The following VPS4B variants were observed in gnomAD, a reference collection of about 807,000 sequenced individuals.
VPS4B encodes the protein vacuolar protein sorting-associated protein 4B.
Under a neutral mutation model 56.1 loss-of-function variants are expected in VPS4B, and 23 were observed. That is an observed-to-expected ratio of 0.41 (90% CI 0.30 to 0.58). The LOEUF (loss-of-function observed/expected upper bound fraction) is 0.58. Ranked by LOEUF, VPS4B falls within the 20% of genes least tolerant of loss-of-function variation. The probability of loss-of-function intolerance (pLI) is 0.29; values close to 1 mark genes in which losing one functional copy is unlikely to be tolerated. For missense variants in VPS4B, 372 were observed against 531.9 expected (o/e 0.70, Z 2.96); for synonymous variants, 177 against 186.0 (o/e 0.95, Z 0.39).
At position 63,407,504 on chromosome 18, in the gene VPS4B, T is replaced by C; in HGVS notation, c.297-5A>G. The C allele has an allele frequency of 1.3e-6, 2 of 1,599,030 alleles. No individual in the cohort carries two copies. Among genetic ancestry groups the C allele is most frequent in the South Asian group, 1.1e-5 (1 of 88,230 alleles). On this transcript the variant is annotated splice_region_variant and splice_polypyrimidine_tract_variant and intron_variant, in intron 3 of 10. Transcript: ENST00000238497. ...CCTTCCCCATCACTGTCATTCCTAA[T>C]AAAAAGAATTTAATATATTCAAATG...
intron 9 of VPS4B, chr18:63,396,728 C>T (rs1193687590): frequency 3.6e-5 from 11 of 304,080 alleles, no homozygotes; most frequent in Admixed American, 9.5e-5. Flanking sequence ...AAGGGCCAGG[C>T]GCAGTGGCTC....
At chr18:63,412,261 T>A (rs1014977933) in intron 1 of VPS4B, among the ~76,000 whole-genome samples, 6 of 152,236 alleles carry the variant, frequency 3.9e-5, no homozygotes, top group African/African-American at 1.4e-4. Flanking sequence ...ATGGGCATTT[T>A]TAAAAAGCAG....
chr18:63,410,759 T>C (rs893296185), intron 2 of VPS4B, among the ~76,000 whole-genome samples: 4 of 152,238 alleles, frequency 2.6e-5, no homozygotes, highest in Admixed American at 6.5e-5. Context: ...TTTTTGCAGA[T>C]AGTTCAAAGT....
chr18:63,390,858 G>C lies in VPS4B; in HGVS notation c.*117C>G, dbSNP rs1236429067. On this transcript the variant is annotated 3_prime_UTR_variant, in exon 11 of 11. Transcript: ENST00000238497. ...AAAACCTAATGGAACTCTGAAGTGA[G>C]ATGTGTATTTCCCTGTGGTAAAAGA... The C allele has an allele frequency of 7.4e-5, 48 of 648,506 alleles. No homozygotes were observed. The South Asian group carries it at 8.8e-4, about 12-fold the overall frequency. The allele number at this position is 648,506 out of a possible 1,614,324, so 40.2% of individuals were successfully genotyped here. A position where few individuals can be genotyped will look rare whatever the true frequency, so the allele number is the denominator to read the frequency against.
intron 1 of VPS4B, among the ~76,000 whole-genome samples, chr18:63,414,353 G>A (rs1045623834): frequency 6.6e-6 from 1 of 151,406 alleles, no homozygotes; most frequent in Admixed American, 6.6e-5. Flanking sequence ...CTGGGTGACA[G>A]AGCAAGACTC....
chr18:63,393,208 C>T (rs1317481410), intron 10 of VPS4B, among the ~76,000 whole-genome samples: 1 of 152,026 alleles, frequency 6.6e-6, no homozygotes, highest in Non-Finnish European at 1.5e-5. Flanking sequence ...CTTAAAGGTT[C>T]CTCTAAACCC....
intron 3 of VPS4B, among the ~76,000 whole-genome samples, chr18:63,409,950 G>A (rs927346478): frequency 6.6e-6 from 1 of 152,152 alleles, no homozygotes; most frequent in African/African-American, 2.4e-5. Flanking sequence ...AGGCAGTCAG[G>A]AAGGGTTGTT....
intron 2 of VPS4B, 90 bp from the exon 3 acceptor site, chr18:63,410,536 A>C: frequency 6.7e-7 from 1 of 1,490,272 alleles, no homozygotes; most frequent in Non-Finnish European, 9.1e-7. Flanking sequence ...TCAGACAAGG[A>C]AATTCTATGT....
chr18:63,417,363 G>C (rs1186503708), intron 1 of VPS4B, among the ~76,000 whole-genome samples: 1 of 151,942 alleles, frequency 6.6e-6, no homozygotes, highest in African/African-American at 2.4e-5. Flanking sequence ...TAGCATGCTA[G>C]ATCCAAACAC....
chr18:63,409,503 C>T (rs567186436), intron 3 of VPS4B, among the ~76,000 whole-genome samples: 55 of 152,298 alleles, frequency 3.6e-4, no homozygotes, highest in African/African-American at 1.3e-3. Context: ...GTCTCATTTT[C>T]TTAAGGGTGT....
intron 1 of VPS4B, among the ~76,000 whole-genome samples, chr18:63,414,907 G>T (rs970815136): frequency 6.6e-6 from 1 of 152,166 alleles, no homozygotes; most frequent in Non-Finnish European, 1.5e-5. Context: ...TATTATTTAA[G>T]CATCTAGCTC....
At chr18:63,414,368 T>G (rs1237965207) in intron 1 of VPS4B, among the ~76,000 whole-genome samples, 1 of 149,522 alleles carries the variant, frequency 6.7e-6, no homozygotes, top group African/African-American at 2.5e-5. Context: ...AGACTCTGTC[T>G]CAAAAAAGAA....
chr18:63,391,220 A>C, intron 10 of VPS4B, 144 bp from the exon 11 acceptor site: 1 of 553,836 alleles, frequency 1.8e-6, no homozygotes, highest in Non-Finnish European at 3.1e-6. Flanking sequence ...CTAACGATAA[A>C]CTCCCTATTC....
chr18:63,406,758 T>G (rs560618178), intron 4 of VPS4B, among the ~76,000 whole-genome samples: 3 of 152,342 alleles, frequency 2.0e-5, no homozygotes, highest in African/African-American at 7.2e-5. Context: ...ATTGCTCATT[T>G]CTATTTTAGA....
rs1233437253 is a variant in VPS4B at position 63,389,776 on chromosome 18, A to G, written c.*1199T>C. On this transcript the variant is annotated 3_prime_UTR_variant, in exon 11 of 11. Coordinates refer to ENST00000238497, the MANE Select transcript of VPS4B (RefSeq NM_004869.4). ...CTGTATTAAAAAAGGAAATATACAT[A>G]TATGTACACAGACACCCCATATCAC... is the stretch of plus-strand genomic sequence containing the variant. 2.0e-5 allele frequency: 3 copies of G among 152,658 alleles called. No homozygotes were observed. Among genetic ancestry groups the G allele is most frequent in the Non-Finnish European group, 2.9e-5 (2 of 68,040 alleles). The allele number at this position is 152,658 out of a possible 1,614,324, so 9.5% of individuals were successfully genotyped here.
In VPS4B at chr18:63,403,912, C is replaced by T. The variant is rs916911978; in HGVS notation, c.365-86G>A. Reference sequence around the variant, plus strand: ...ACATGAAATAATGATGTTAAAGAAACGCATTATAAAATTGGGAAAGTTTTA... The same window carrying T: ...ACATGAAATAATGATGTTAAAGAAATGCATTATAAAATTGGGAAAGTTTTA... On this transcript the variant is annotated intron_variant, in intron 4 of 10. Transcript: ENST00000238497. 3.4e-5 allele frequency: 49 copies of T among 1,442,134 alleles called. No individual in the cohort carries two copies. In the African/African-American group the frequency reaches 3.9e-4, roughly 11 times the overall value. The allele number at this position is 1,442,134 out of a possible 1,614,324, so 89.3% of individuals were successfully genotyped here. A position where few individuals can be genotyped will look rare whatever the true frequency, so the allele number is the denominator to read the frequency against.
At chr18:63,404,459 TG>T (rs1915875037) in intron 4 of VPS4B, 1 of 152,246 alleles carries the variant, frequency 6.6e-6, no homozygotes, top group Non-Finnish European at 1.5e-5. Context: ...TCTATTTGGC[TG>T]CTAAATAGAT....
intron 1 of VPS4B, among the ~76,000 whole-genome samples, chr18:63,414,242 C>T (rs1045361409): frequency 1.3e-5 from 2 of 150,840 alleles, no homozygotes; most frequent in Admixed American, 6.6e-5. Context: ...ATTAGCCAGG[C>T]GCCTGTAATC....
intron 1 of VPS4B, among the ~76,000 whole-genome samples, chr18:63,419,624 C>A (rs1277613480): frequency 6.6e-6 from 1 of 152,170 alleles, no homozygotes; most frequent in Non-Finnish European, 1.5e-5. Flanking sequence ...GTTTCTCTCT[C>A]TCAACATCTT....
Sources: allele counts gnomAD v4.1 joint callset (sites outside exome capture counted in the v4.1 genomes callset), GRCh38; gene constraint gnomAD v4.1.1; transcripts MANE v1.5; gene names NCBI Gene and HGNC (gene_info 2026-07-23, HGNC 2026-07-21).